The following KCNQ3 variants were observed in gnomAD, a reference collection of about 807,000 sequenced individuals.
KCNQ3 encodes the protein potassium voltage-gated channel subfamily KQT member 3.
In KCNQ3, 30 loss-of-function variants were observed where a neutral mutation model predicts 92.5. The ratio of observed to expected loss-of-function variants is 0.32; its 90% CI spans 0.24 to 0.44. The LOEUF is 0.44. Ranked by LOEUF, KCNQ3 falls within the 20% of genes least tolerant of loss-of-function variation. The pLI, the probability that KCNQ3 is intolerant of heterozygous loss-of-function variation, is 1.00. For synonymous variants in KCNQ3, 450 were observed against 468.8 expected (o/e 0.96, Z 0.52); for missense variants, 913 against 1,140.3 (o/e 0.80, Z 2.87).
chr8:132,192,489 G>C (rs1328720528), intron 1 of KCNQ3, among the ~76,000 whole-genome samples: 1 of 152,176 alleles, frequency 6.6e-6, no homozygotes, highest in South Asian at 2.1e-4. Flanking sequence ...CTTGACGTGA[G>C]AGCCGCCCCC....
intron 1 of KCNQ3, among the ~76,000 whole-genome samples, chr8:132,250,629 T>A (rs571311638): frequency 6.6e-6 from 1 of 152,214 alleles, no homozygotes; most frequent in Admixed American, 6.5e-5. Flanking sequence ...ATAAAAACAA[T>A]CTCTCAGGAG....
chr8:132,312,696 A>C (rs773395670), intron 1 of KCNQ3, among the ~76,000 whole-genome samples: 37 of 152,134 alleles, frequency 2.4e-4, no homozygotes, highest in Non-Finnish European at 4.4e-4. Flanking sequence ...GTGAGTTCTC[A>C]CAAGATCTGA....
At chr8:132,338,115 G>A (rs956547594) in intron 1 of KCNQ3, among the ~76,000 whole-genome samples, 5 of 152,124 alleles carry the variant, frequency 3.3e-5, no homozygotes, top group African/African-American at 9.7e-5. Flanking sequence ...GAGTGCCTTC[G>A]GTGTGCTGGG....
At chr8:132,439,827 C>T (rs1235783753) in intron 1 of KCNQ3, among the ~76,000 whole-genome samples, 3 of 152,164 alleles carry the variant, frequency 2.0e-5, no homozygotes, top group Non-Finnish European at 2.9e-5. Flanking sequence ...GGACTTCTGA[C>T]CTTCAGACAT....
intron 1 of KCNQ3, among the ~76,000 whole-genome samples, chr8:132,301,508 C>T (rs554003984): frequency 6.6e-6 from 1 of 152,270 alleles, no homozygotes; most frequent in African/African-American, 2.4e-5. Flanking sequence ...TAAATAATAA[C>T]AGGTCCATAA....
chr8:132,241,188 C>T (rs1814986617), intron 1 of KCNQ3, among the ~76,000 whole-genome samples: 1 of 152,144 alleles, frequency 6.6e-6, no homozygotes, highest in Non-Finnish European at 1.5e-5. Context: ...CGTGCCCAGC[C>T]TAGCTAGCTA....
intron 1 of KCNQ3, among the ~76,000 whole-genome samples, chr8:132,453,223 T>C (rs1821861941): frequency 6.6e-6 from 1 of 152,062 alleles, no homozygotes; most frequent in Non-Finnish European, 1.5e-5. Context: ...GGCTGGATCA[T>C]CTGGGGCCTG....
intron 1 of KCNQ3, among the ~76,000 whole-genome samples, chr8:132,336,964 G>A (rs1048593238): frequency 1.3e-5 from 2 of 152,226 alleles, no homozygotes; most frequent in African/African-American, 4.8e-5. Flanking sequence ...GAGTCCTTGA[G>A]AGGAAAGCCA....
At chr8:132,297,470 T>G (rs1817075536) in intron 1 of KCNQ3, among the ~76,000 whole-genome samples, 1 of 152,220 alleles carries the variant, frequency 6.6e-6, no homozygotes, top group South Asian at 2.1e-4. Context: ...TCTGATTTCA[T>G]GAACAGTGTG....
At chr8:132,208,297 G>A (rs923917658) in intron 1 of KCNQ3, among the ~76,000 whole-genome samples, 2 of 151,630 alleles carry the variant, frequency 1.3e-5, no homozygotes, top group Admixed American at 6.6e-5. Context: ...GAGAAAGGGC[G>A]GTCAACAGTA....
Position 132,134,326 on chromosome 8 carries a change from C to T in KCNQ3, c.1763G>A (p.Gly588Glu). ...STPKHKKSQK[G>E]SAFTFPSQQS... Reference sequence around the variant, plus strand: ...CTGGGATGGGAAGGTGAATGCTGACCCTTTCTGAGACTTCTTGTGTTTTGG... The same window carrying T: ...CTGGGATGGGAAGGTGAATGCTGACTCTTTCTGAGACTTCTTGTGTTTTGG... Residue 588 changes from glycine to glutamate, a missense_variant, in exon 13 of 15, where the codon GGG (glycine) becomes GAG (glutamate). Physicochemically the swap from Gly to Glu is moderately conservative, Grantham distance 98 (BLOSUM62 -2). Transcript: ENST00000388996. 6.2e-7 allele frequency: 1 copy of T among 1,613,972 alleles called. No individual in the cohort carries two copies. Among genetic ancestry groups the T allele is most frequent in the Non-Finnish European group, 8.5e-7 (1 of 1,179,986 alleles).
rs987385740 is a variant in KCNQ3 at position 132,180,038 on chromosome 8, T to C, written c.777+119A>G. The C allele has an allele frequency of 2.3e-5, 26 of 1,125,684 alleles. No individual in the cohort carries two copies. In the African/African-American group the frequency reaches 3.2e-4, roughly 14 times the overall value. The allele number at this position is 1,125,684 out of a possible 1,614,324, so 69.7% of individuals were successfully genotyped here. On this transcript the variant is annotated intron_variant, in intron 4 of 14. Coordinates refer to ENST00000388996, the MANE Select transcript of KCNQ3 (RefSeq NM_004519.4). ...TCCTCCTCCTCTTCCTCTTTGTCGT[T>C]ATCATCAAGGGTGGCAGAATGACTG...
chr8:132,197,813 A>G (rs1264860216), intron 1 of KCNQ3, among the ~76,000 whole-genome samples: 1 of 152,212 alleles, frequency 6.6e-6, no homozygotes, highest in Non-Finnish European at 1.5e-5. Context: ...TGCCAGGGTA[A>G]TAGGTACTAC....
chr8:132,335,026 C>CGTT (rs1287660401), intron 1 of KCNQ3, among the ~76,000 whole-genome samples: 2 of 137,796 alleles, frequency 1.5e-5, no homozygotes, highest in African/African-American at 5.3e-5. Flanking sequence ...TCCTTCCTTC[C>CGTT]TTGTTTTCTT....
At chr8:132,234,716 G>C (rs911149782) in intron 1 of KCNQ3, among the ~76,000 whole-genome samples, 2 of 152,164 alleles carry the variant, frequency 1.3e-5, no homozygotes, top group African/African-American at 4.8e-5. Flanking sequence ...ATTTGACTCT[G>C]GTTAGGCAGC....
At chr8:132,370,806 T>C (rs1819454516) in intron 1 of KCNQ3, among the ~76,000 whole-genome samples, 1 of 152,220 alleles carries the variant, frequency 6.6e-6, no homozygotes, top group Non-Finnish European at 1.5e-5. Flanking sequence ...TCTCAAATGC[T>C]AAATAATGTG....
Position 132,126,631 on chromosome 8 carries a change from G to A in KCNQ3, c.*2631C>T, listed in dbSNP as rs1250682420. 2.6e-4 allele frequency: 39 copies of A among 151,694 alleles called. No homozygotes were observed. The highest frequency in any genetic ancestry group is 5.9e-5 in the Non-Finnish European group (4 of 67,990). 9.4% of individuals were successfully genotyped at this position (151,694 alleles called of 1,614,324 possible). A position where few individuals can be genotyped will look rare whatever the true frequency, so the allele number is the denominator to read the frequency against. On this transcript the variant is annotated 3_prime_UTR_variant, in exon 15 of 15. Coordinates refer to ENST00000388996, the MANE Select transcript of KCNQ3 (RefSeq NM_004519.4). ...CTATACTGATAAAGACAACTTACTA[G>A]ATGTTAGACAATCAATACTTCCCTA...
chr8:132,139,483 C>T (rs1825213930), intron 11 of KCNQ3, among the ~76,000 whole-genome samples: 1 of 152,190 alleles, frequency 6.6e-6, no homozygotes, highest in African/African-American at 2.4e-5. Context: ...GAGAATTCAC[C>T]TTAGTTTCTA....
chr8:132,239,491 G>A (rs554622182), intron 1 of KCNQ3, among the ~76,000 whole-genome samples: 1 of 152,270 alleles, frequency 6.6e-6, no homozygotes, highest in South Asian at 2.1e-4. Context: ...GAAACTCAAA[G>A]TAATTTGAGA....
Sources: allele counts gnomAD v4.1 joint callset (sites outside exome capture counted in the v4.1 genomes callset), GRCh38; gene constraint gnomAD v4.1.1; transcripts MANE v1.5; gene names NCBI Gene and HGNC (gene_info 2026-07-23, HGNC 2026-07-21).